Variants in TAF15 observed in about 807,000 individuals in gnomAD.
TAF15 encodes the protein TATA-box binding protein associated factor 15.
TAF15 carries 37 observed loss-of-function variants against 102.5 expected under a neutral mutation model. The observed-to-expected ratio is 0.36, with a 90% CI of 0.28 to 0.47. TAF15 has a LOEUF of 0.47. Among genes scored for constraint, TAF15 ranks in the 20% least tolerant of loss-of-function variants. The pLI, the probability that TAF15 is intolerant of heterozygous loss-of-function variation, is 0.99. For synonymous variants in TAF15, 273 were observed against 259.2 expected (o/e 1.05, Z -0.51); for missense variants, 652 against 760.7 (o/e 0.86, Z 1.68).
In TAF15 at chr17:35,842,445, G is replaced by A; in HGVS notation, c.992G>A (p.Gly331Glu). ...RPEFMRGGGS[G>E]GGRRGRGGYR... The stretch of plus-strand genomic sequence containing the variant: ...GAATTCATGAGAGGAGGTGGAAGTG[G>A]AGGTGGGCGGCGAGGTAAGATCCTT... Residue 331 changes from glycine to glutamate, a missense_variant, in exon 12 of 16, where the codon GGA (glycine) becomes GAA (glutamate). Gly to Glu is a moderately conservative substitution (Grantham distance 98). Transcript: ENST00000605844. The A allele has an allele frequency of 6.2e-7, 1 of 1,613,996 alleles. No individual in the cohort carries two copies. The highest frequency in any genetic ancestry group is 2.2e-5 in the East Asian group (1 of 44,884).
chr17:35,821,173 A>G (rs1188308988), intron 5 of TAF15, among the ~76,000 whole-genome samples: 1 of 152,190 alleles, frequency 6.6e-6, no homozygotes, highest in South Asian at 2.1e-4. Context: ...TACAGTGAAG[A>G]CATTTATTCT....
chr17:35,820,519 T>C, intron 5 of TAF15, 82 bp downstream of exon 5: 1 of 1,353,746 alleles, frequency 7.4e-7, no homozygotes, highest in Non-Finnish European at 1.0e-6. Context: ...AACAAAATCC[T>C]AGCTTTAAAC....
intron 11 of TAF15, among the ~76,000 whole-genome samples, chr17:35,840,654 A>C (rs918128486): frequency 1.3e-5 from 2 of 151,884 alleles, no homozygotes; most frequent in Non-Finnish European, 2.9e-5. Context: ...TCACAAGGTC[A>C]GGAGTTCAAG....
intron 11 of TAF15, among the ~76,000 whole-genome samples, chr17:35,840,247 CT>C (rs370455465): frequency 0.032 from 3,840 of 119,384 alleles, 22 homozygotes; most frequent in Non-Finnish European, 0.041. Flanking sequence ...CGTTATTTTC[CT>C]TTTTTTTTTT....
intron 9 of TAF15, among the ~76,000 whole-genome samples, chr17:35,835,576 C>T (rs2087463775): frequency 6.6e-6 from 1 of 152,214 alleles, no homozygotes; most frequent in Admixed American, 6.6e-5. Flanking sequence ...AATTCTTATA[C>T]ATCTTTCTTT....
intron 1 of TAF15, chr17:35,809,859 G>C (rs2087104421): frequency 3.4e-6 from 2 of 585,048 alleles, no homozygotes; most frequent in East Asian, 5.7e-5. Flanking sequence ...GTGTGTGTGA[G>C]TCGGGGGGCG....
rs1196652055 is a variant in TAF15, at chr17:35,834,081, A to T, written c.640+140A>T. 1.4e-4 allele frequency: 61 copies of T among 439,282 alleles called. 1 individual carries two copies. The South Asian group carries it at 1.5e-3, about 11-fold the overall frequency. 27.2% of individuals were successfully genotyped at this position (439,282 alleles called of 1,614,324 possible). ...TGTTGTGTGCTTTAAAAAAAATTTTATATATATATATATACACATATATAT... is the reference window on the plus strand; with the variant it reads ...TGTTGTGTGCTTTAAAAAAAATTTTTTATATATATATATACACATATATAT... On this transcript the variant is annotated intron_variant, in intron 8 of 15. Coordinates refer to ENST00000605844, the MANE Select transcript of TAF15 (RefSeq NM_139215.3).
chr17:35,821,939 T>C (rs1598525225), intron 5 of TAF15, among the ~76,000 whole-genome samples: 1 of 152,174 alleles, frequency 6.6e-6, no homozygotes, highest in Non-Finnish European at 1.5e-5. Context: ...TTCAGTGATA[T>C]AGAGCCTTTC....
At chr17:35,819,379 C>G (rs1000922838) in intron 2 of TAF15, among the ~76,000 whole-genome samples, 1 of 152,108 alleles carries the variant, frequency 6.6e-6, no homozygotes, top group East Asian at 1.9e-4. Context: ...AATTAATATT[C>G]AAATCCCAGG....
chr17:35,820,518 CTAGCTTTAAACTT>C, intron 5 of TAF15, 81 bp downstream of exon 5: 1 of 1,379,954 alleles, frequency 7.2e-7, no homozygotes, highest in Non-Finnish European at 1.0e-6. Context: ...CAACAAAATC[CTAGCTTTAAACTT>C]TTTTTTTTTT....
At chr17:35,827,575 G>A (rs1330657281) in intron 7 of TAF15, among the ~76,000 whole-genome samples, 2 of 152,012 alleles carry the variant, frequency 1.3e-5, no homozygotes, top group African/African-American at 4.8e-5. Flanking sequence ...ACACGATGGT[G>A]GGTGCCTATA....
At chr17:35,817,805 A>G in intron 2 of TAF15, 50 bp downstream of exon 2, 2 of 1,536,694 alleles carry the variant, frequency 1.3e-6, no homozygotes, top group Non-Finnish European at 1.8e-6. Flanking sequence ...ACTGAGGTGA[A>G]TTTTGTCAAG....
Position 35,844,812 on chromosome 17 carries a change from C to A in TAF15, c.1513C>A (p.Arg505=). Residue 505 remains arginine (R), a synonymous_variant, in exon 15 of 16, where the codon CGA becomes AGA. Transcript: ENST00000605844. ...GGDRGGYGGD[R]GGYGGDRGGY... ...AGACCGAGGAGGCTATGGAGGAGAT[C>A]GAGGAGGTTACGGAGGAGATCGAGG... 1.3e-6 allele frequency: 2 copies of A among 1,585,468 alleles called. No homozygotes were observed. The highest frequency in any genetic ancestry group is 1.7e-6 in the Non-Finnish European group (2 of 1,163,460).
intron 7 of TAF15, among the ~76,000 whole-genome samples, chr17:35,828,926 A>G (rs1021971844): frequency 4.6e-5 from 7 of 152,178 alleles, no homozygotes; most frequent in African/African-American, 1.7e-4. Context: ...TGGATACTGT[A>G]TTGGACAGTG....
intron 1 of TAF15, chr17:35,817,144 G>C (rs1396106151): frequency 6.6e-6 from 1 of 152,182 alleles, no homozygotes; most frequent in African/African-American, 2.4e-5. Context: ...CTACAAGCAG[G>C]TATTGCTGAC....
chr17:35,834,644 G>T, intron 9 of TAF15, 46 bp downstream of exon 9: 1 of 1,395,256 alleles, frequency 7.2e-7, no homozygotes, highest in Non-Finnish European at 9.7e-7. Context: ...GAAAATGTTA[G>T]TTTTTTTTTT....
At chr17:35,812,642 T>TC (rs1568239136) in intron 1 of TAF15, among the ~76,000 whole-genome samples, 1 of 150,840 alleles carries the variant, frequency 6.6e-6, no homozygotes, top group Non-Finnish European at 1.5e-5. Flanking sequence ...TTTCATGGTT[T>TC]AGATCACAAG....
intron 1 of TAF15, among the ~76,000 whole-genome samples, chr17:35,812,516 C>T (rs1297709420): frequency 4.5e-5 from 6 of 132,038 alleles, no homozygotes; most frequent in East Asian, 5.0e-4. Context: ...ACCTGGGAGG[C>T]GGAGGTTGTG....
intron 1 of TAF15, among the ~76,000 whole-genome samples, chr17:35,816,372 C>T (rs1178770071): frequency 6.6e-6 from 1 of 152,190 alleles, no homozygotes; most frequent in Non-Finnish European, 1.5e-5. Context: ...TGGTGCTGCA[C>T]ACCTGTAGTC....
Sources: gnomAD v4.1 joint callset for allele counts (sites outside exome capture counted in the v4.1 genomes callset) on GRCh38, gnomAD v4.1.1 for gene constraint, MANE v1.5 for transcripts, NCBI Gene and HGNC (gene_info 2026-07-23, HGNC 2026-07-21) for gene names.